Variants in FRMPD4 observed in about 807,000 individuals in gnomAD.
The protein encoded by FRMPD4 is FERM and PDZ domain containing 4, also known as FERM and PDZ domain-containing protein 4.
FRMPD4 carries 22 observed loss-of-function variants against 94.1 expected under a neutral mutation model. The ratio of observed to expected loss-of-function variants is 0.23; its 90% CI spans 0.17 to 0.33. FRMPD4 has a LOEUF of 0.33. Among genes scored for constraint, FRMPD4 ranks in the 10% least tolerant of loss-of-function variants. The pLI is 1.00. For synonymous variants in FRMPD4, 631 were observed against 548.6 expected (o/e 1.15, Z -2.10); for missense variants, 1,111 against 1,339.9 (o/e 0.83, Z 2.67).
At chrX:12,303,194 AATG>A (rs2054886781) in intron 1 of FRMPD4, among the ~76,000 whole-genome samples, 1 of 112,131 alleles carries the variant, frequency 8.9e-6, no homozygotes, top group East Asian at 2.8e-4. Context: ...ATTGTTACTC[AATG>A]CTAACAGTTA....
chrX:12,141,246 G>T (rs1473831589), intron 1 of FRMPD4, among the ~76,000 whole-genome samples: 3 of 111,855 alleles, frequency 2.7e-5, no homozygotes, highest in Non-Finnish European at 5.6e-5. Context: ...GATCAGCATG[G>T]TTACTTCAGT....
At chrX:12,450,539 G>A (rs1569280749) in intron 1 of FRMPD4, among the ~76,000 whole-genome samples, 1 of 111,551 alleles carries the variant, frequency 9.0e-6, no homozygotes, top group Admixed American at 9.5e-5. Flanking sequence ...CAAATTTCAT[G>A]GAAATCCCAT....
intron 3 of FRMPD4, among the ~76,000 whole-genome samples, chrX:12,060,245 T>G (rs1422089608): frequency 9.3e-6 from 1 of 107,150 alleles, no homozygotes; most frequent in Non-Finnish European, 1.9e-5. Flanking sequence ...TTCCCTTTTC[T>G]CCACAGCCTC....
At position 12,609,836 on chromosome X, in the gene FRMPD4, G is replaced by A. The variant is rs2059164360; in HGVS notation, c.274G>A (p.Val92Met). 1 of 1,209,488 alleles carries A rather than the reference G, an allele frequency of 8.3e-7. No homozygotes were observed. Among genetic ancestry groups the A allele is most frequent in the African/African-American group, 1.8e-5 (1 of 57,069 alleles). Residue 92 changes from valine to methionine, a missense_variant, in exon 3 of 17, where the codon GTG becomes ATG. Val to Met is a conservative substitution (Grantham distance 21, BLOSUM62 1). Around this residue, in one of 8 missense-constraint regions of FRMPD4, gnomAD observed 140 missense variants for 165.9 expected, o/e 0.84. Transcript: ENST00000675598. ...RRDPVLGFGF[V>M]AGSEKPVVVR... ...GGACCCCGTGCTGGGATTTGGTTTT[G>A]TGGCAGGCAGTGAAAAGCCAGTGGT...
chrX:11,836,717 A>T (rs1313465432), intron 1 of FRMPD4, among the ~76,000 whole-genome samples: 6 of 112,013 alleles, frequency 5.4e-5, no homozygotes, highest in Non-Finnish European at 1.1e-4. Flanking sequence ...CCCAATTGTT[A>T]TGCTCTGATG....
rs957434721 is a variant in FRMPD4 at position 12,428,202 on chromosome X, A to T, written c.42-70478A>T. ...TCCATTTTAATCACATTTTAACTTTAAAAAAAATCCACAGTGTTTTATTGT... is the reference window on the plus strand; with the variant it reads ...TCCATTTTAATCACATTTTAACTTTTAAAAAAATCCACAGTGTTTTATTGT... On this transcript the variant is annotated intron_variant, in intron 1 of 16. Coordinates refer to ENST00000675598, the MANE Select transcript of FRMPD4 (RefSeq NM_001368397.1). Among the ~76,000 whole-genome samples the T allele has an allele frequency of 9.0e-5, 10 of 110,824 alleles. No homozygotes were observed. In the Admixed American group the frequency reaches 9.6e-4, roughly 11 times the overall value.
intron 3 of FRMPD4, among the ~76,000 whole-genome samples, chrX:12,069,885 G>C (rs1053697759): frequency 9.0e-6 from 1 of 111,465 alleles, no homozygotes; most frequent in Non-Finnish European, 1.9e-5. Flanking sequence ...GGAGTCACTG[G>C]TGACCTTGTA....
chrX:12,266,410 G>C (rs762771855), intron 1 of FRMPD4, among the ~76,000 whole-genome samples: 1 of 111,143 alleles, frequency 9.0e-6, no homozygotes, highest in Admixed American at 9.6e-5. Context: ...TTATCCTTCT[G>C]CTGGGACCAG....
rs2042260629 is a variant in FRMPD4 at position 12,722,579 on chromosome X, G to T, written c.*721G>T. ...TCCCGGGGAGAAGAACAGAGGGGAT[G>T]ATGGGCAGTTTCCTAGGTAACACCT... is the stretch of plus-strand genomic sequence containing the variant. On this transcript the variant is annotated 3_prime_UTR_variant, in exon 17 of 17. Transcript: ENST00000675598. The T allele has an allele frequency of 9.0e-6, 1 of 111,218 alleles. No homozygotes were observed. The highest frequency in any genetic ancestry group is 3.8e-4 in the South Asian group (1 of 2,607). 9.2% of individuals were successfully genotyped at this position (111,218 alleles called of 1,213,427 possible). A position where few individuals can be genotyped will look rare whatever the true frequency, so the allele number is the denominator to read the frequency against.
At chrX:12,541,693 C>T (rs1207055946) in intron 2 of FRMPD4, among the ~76,000 whole-genome samples, 1 of 112,101 alleles carries the variant, frequency 8.9e-6, no homozygotes, top group African/African-American at 3.2e-5. Flanking sequence ...CCTTCTGAAA[C>T]TATTCCAATC....
chrX:12,159,142 A>G (rs1191517535), intron 1 of FRMPD4, among the ~76,000 whole-genome samples: 1 of 112,422 alleles, frequency 8.9e-6, no homozygotes, highest in Non-Finnish European at 1.9e-5. Flanking sequence ...AAAATCCCTT[A>G]TGTCCTGCTC....
chrX:12,662,507 C>T (rs912399593), intron 4 of FRMPD4, among the ~76,000 whole-genome samples: 95 of 111,896 alleles, frequency 8.5e-4, no homozygotes, highest in African/African-American at 2.9e-3. Flanking sequence ...CAGCTTCATC[C>T]ATGTCCCTGC....
In FRMPD4 at chrX:12,716,631, C is replaced by T; in HGVS notation, c.2172C>T (p.Ser724=). The change falls in exon 15 of 17, where the codon AGC becomes AGT. Residue 724 remains serine, a synonymous_variant. Coordinates refer to ENST00000675598, the MANE Select transcript of FRMPD4 (RefSeq NM_001368397.1). ...SVYANIGDVK[S]FQAAEGIEEP... is the part of the protein sequence containing the mutation. Reference sequence around the variant, plus strand: ...ATGCAAACATAGGCGATGTGAAGAGCTTCCAGGCCGCGGAGGGGATCGAGG... The same window carrying T: ...ATGCAAACATAGGCGATGTGAAGAGTTTCCAGGCCGCGGAGGGGATCGAGG... 8.3e-7 allele frequency: 1 copy of T among 1,210,947 alleles called. No homozygotes were observed.
intron 3 of FRMPD4, among the ~76,000 whole-genome samples, chrX:11,932,494 T>C (rs1171209989): frequency 9.0e-6 from 1 of 111,029 alleles, no homozygotes; most frequent in Non-Finnish European, 1.9e-5. Flanking sequence ...TTAGGCAGCA[T>C]ACAGAAGTCA....
intron 1 of FRMPD4, among the ~76,000 whole-genome samples, chrX:12,463,785 G>A (rs1009286439): frequency 4.8e-5 from 5 of 104,462 alleles, no homozygotes; most frequent in Non-Finnish European, 9.7e-5. Context: ...GGGTAAGGAA[G>A]TAGGAAAAAT....
intron 1 of FRMPD4, among the ~76,000 whole-genome samples, chrX:12,241,777 T>G (rs1345369193): frequency 9.0e-6 from 1 of 110,915 alleles, no homozygotes; most frequent in Non-Finnish European, 1.9e-5. Context: ...GGCATGTGCC[T>G]GTGGTCCCAG....
intron 3 of FRMPD4, among the ~76,000 whole-genome samples, chrX:12,057,167 A>G (rs1044557404): frequency 3.6e-5 from 4 of 112,060 alleles, no homozygotes; most frequent in African/African-American, 9.7e-5. Flanking sequence ...TCAATTAGTT[A>G]CATTACTGAT....
intron 4 of FRMPD4, among the ~76,000 whole-genome samples, chrX:12,637,914 T>G (rs1232997567): frequency 8.9e-6 from 1 of 112,364 alleles, no homozygotes; most frequent in Non-Finnish European, 1.9e-5. Flanking sequence ...GTTTTATAAT[T>G]ATGAATACTA....
intron 2 of FRMPD4, chrX:12,583,366 G>T: frequency 1.2e-6 from 1 of 823,650 alleles, no homozygotes; most frequent in Non-Finnish European, 1.8e-6. Flanking sequence ...CCCCAGGCCG[G>T]CTGAGACGGC....
Sources: allele counts gnomAD v4.1 joint callset (sites outside exome capture counted in the v4.1 genomes callset), GRCh38; gene constraint gnomAD v4.1.1; regional missense constraint gnomAD v4.1.1; transcripts MANE v1.5; gene names NCBI Gene and HGNC (gene_info 2026-07-23, HGNC 2026-07-21).